Variants in FBXL20 observed in about 807,000 individuals in gnomAD.
FBXL20 encodes F-box/LRR-repeat protein 20.
Under a neutral mutation model 64.0 loss-of-function variants are expected in FBXL20, and 11 were observed. That is an observed-to-expected ratio of 0.17 (90% CI 0.11 to 0.28). The LOEUF (loss-of-function observed/expected upper bound fraction) is 0.28. Among genes scored for constraint, FBXL20 ranks in the 10% least tolerant of loss-of-function variants. The pLI is 1.00. For missense variants in FBXL20, 303 were observed against 526.2 expected (o/e 0.58, Z 4.15); for synonymous variants, 184 against 189.0 (o/e 0.97, Z 0.22).
At chr17:39,301,198 T>G in intron 3 of FBXL20, 123 bp from the exon 4 acceptor site, 6 of 739,976 alleles carry the variant, frequency 8.1e-6, no homozygotes, top group Non-Finnish European at 1.1e-5. Flanking sequence ...TATCAGGCCC[T>G]ATCCACTTAC....
In FBXL20 at chr17:39,263,896, A is replaced by G. The variant is rs1209720276; in HGVS notation, c.1203+279T>C. ...GTGCTTTTTTTTTTTTTTTTCTTCA[A>G]TCTGGGAATGTTATTAAGCCCTAGA... On this transcript the variant is annotated intron_variant, in intron 14 of 14. Coordinates refer to ENST00000264658, the MANE Select transcript of FBXL20 (RefSeq NM_032875.3). The G allele has an allele frequency of 2.4e-5, 6 of 247,644 alleles. No individual in the cohort carries two copies. In the South Asian group the frequency reaches 6.3e-4, roughly 26 times the overall value. 15.3% of individuals were successfully genotyped at this position (247,644 alleles called of 1,614,324 possible).
At chr17:39,373,306 C>T (rs968918574) in intron 1 of FBXL20, among the ~76,000 whole-genome samples, 8 of 152,118 alleles carry the variant, frequency 5.3e-5, no homozygotes, top group African/African-American at 1.7e-4. Flanking sequence ...GAATGAAGTG[C>T]AACTTGGCTC....
chr17:39,265,723 A>G (rs2046785597), intron 12 of FBXL20, among the ~76,000 whole-genome samples: 1 of 142,340 alleles, frequency 7.0e-6, no homozygotes, highest in Non-Finnish European at 1.5e-5. Context: ...GGGTTTCCCT[A>G]TGTTGCCCAG....
At chr17:39,363,820 A>AAAAAAAAAAACAAAAAACAAAAAAC (rs2047826485) in intron 1 of FBXL20, among the ~76,000 whole-genome samples, 3 of 104,010 alleles carry the variant, frequency 2.9e-5, no homozygotes, top group African/African-American at 1.6e-4. Flanking sequence ...CAAAAAAAAA[A>AAAAAAAAAAACAAAAAACAAAAAAC]AAAAAACAAA....
chr17:39,327,263 A>G (rs1483931758), intron 2 of FBXL20, among the ~76,000 whole-genome samples: 1 of 152,172 alleles, frequency 6.6e-6, no homozygotes, highest in South Asian at 2.1e-4. Flanking sequence ...TCTGAACTCA[A>G]TATTTTCTTT....
At chr17:39,359,167 A>C (rs1274058240) in intron 1 of FBXL20, among the ~76,000 whole-genome samples, 1 of 151,582 alleles carries the variant, frequency 6.6e-6, no homozygotes, top group East Asian at 1.9e-4. Context: ...CCCCATATCT[A>C]CAAAAAAAAT....
At chr17:39,385,166 G>A (rs973164680) in intron 1 of FBXL20, among the ~76,000 whole-genome samples, 1 of 152,034 alleles carries the variant, frequency 6.6e-6, no homozygotes, top group African/African-American at 2.4e-5. Flanking sequence ...AGGCTGCAGT[G>A]AGCTATGATG....
chr17:39,332,845 C>T (rs1278847717), intron 2 of FBXL20, among the ~76,000 whole-genome samples: 2 of 152,032 alleles, frequency 1.3e-5, no homozygotes, highest in Non-Finnish European at 2.9e-5. Context: ...CCAGCTGTAT[C>T]CTTTCTTATA....
At chr17:39,382,329 G>A (rs1042456972) in intron 1 of FBXL20, among the ~76,000 whole-genome samples, 10 of 150,404 alleles carry the variant, frequency 6.6e-5, no homozygotes, top group African/African-American at 2.2e-4. Flanking sequence ...TGTAGTCCCA[G>A]CTGCTGGGGA....
chr17:39,292,682 C>T (rs1327173985), intron 6 of FBXL20, among the ~76,000 whole-genome samples: 2 of 151,840 alleles, frequency 1.3e-5, no homozygotes, highest in African/African-American at 2.4e-5. Context: ...TACAATGACA[C>T]GATCTCGGCT....
intron 2 of FBXL20, among the ~76,000 whole-genome samples, chr17:39,336,282 A>G (rs2047521306): frequency 6.6e-6 from 1 of 152,236 alleles, no homozygotes; most frequent in Non-Finnish European, 1.5e-5. Flanking sequence ...ATGAAATGAC[A>G]TAATATGTAA....
chr17:39,384,396 G>A (rs779711246), intron 1 of FBXL20, among the ~76,000 whole-genome samples: 3 of 151,148 alleles, frequency 2.0e-5, no homozygotes, highest in South Asian at 2.1e-4. Context: ...GTGGTGGTGC[G>A]CGCCTGTAGT....
chr17:39,352,585 G>A (rs575475416), intron 1 of FBXL20, among the ~76,000 whole-genome samples: 11 of 151,324 alleles, frequency 7.3e-5, no homozygotes, highest in African/African-American at 2.7e-4. Context: ...GGAGGCTGAG[G>A]CATGAGAATT....
chr17:39,399,140 T>C (rs1232358784), intron 1 of FBXL20, among the ~76,000 whole-genome samples: 1 of 152,122 alleles, frequency 6.6e-6, no homozygotes, highest in Non-Finnish European at 1.5e-5. Flanking sequence ...CCAAGAAAAA[T>C]AAACCTTACG....
intron 2 of FBXL20, among the ~76,000 whole-genome samples, chr17:39,335,235 G>A (rs1316009565): frequency 6.6e-6 from 1 of 151,300 alleles, no homozygotes; most frequent in African/African-American, 2.4e-5. Flanking sequence ...TCTGTAATAC[G>A]CTTCCCCCTG....
Position 39,330,464 on chromosome 17 carries a change from A to G in FBXL20, c.104+12716T>C, listed in dbSNP as rs142189282. Among the ~76,000 whole-genome samples the G allele has an allele frequency of 3.3e-3, 498 of 151,926 alleles. 3 individuals carry two copies. The highest frequency in any genetic ancestry group is 0.012 in the African/African-American group (478 of 41,446). ...CCCCAGCTCTACTAAAACTACAAAA[A>G]TTAGCCGGACATAGTGGCGTGTGTC... On this transcript the variant is annotated intron_variant, in intron 2 of 14. Coordinates refer to ENST00000264658, the MANE Select transcript of FBXL20 (RefSeq NM_032875.3).
At chr17:39,346,124 C>A (rs1260536253) in intron 1 of FBXL20, among the ~76,000 whole-genome samples, 19 of 151,838 alleles carry the variant, frequency 1.3e-4, no homozygotes, top group Admixed American at 1.2e-3. Flanking sequence ...GAGTTCAAGA[C>A]CAGCCTGGGC....
chr17:39,388,475 C>T (rs909724469), intron 1 of FBXL20, among the ~76,000 whole-genome samples: 120 of 141,734 alleles, frequency 8.5e-4, no homozygotes, highest in Non-Finnish European at 1.5e-3. Flanking sequence ...AAAAAAGTTG[C>T]TTTTTTTTTT....
intron 1 of FBXL20, among the ~76,000 whole-genome samples, chr17:39,386,036 A>AG (rs1433959113): frequency 6.7e-6 from 1 of 148,432 alleles, no homozygotes; most frequent in African/African-American, 2.5e-5. Context: ...AAAAAAAAAA[A>AG]AAAAAAAAAC....
Sources: allele counts gnomAD v4.1 joint callset (sites outside exome capture counted in the v4.1 genomes callset), GRCh38; gene constraint gnomAD v4.1.1; transcripts MANE v1.5; gene names NCBI Gene and HGNC (gene_info 2026-07-23, HGNC 2026-07-21).